TTN: variants seen among roughly 807,000 people sequenced by gnomAD.
TTN encodes the protein titin.
Under a neutral mutation model 3,223.0 loss-of-function variants are expected in TTN, and 1,525 were observed. That is an observed-to-expected ratio of 0.47 (90% CI 0.45 to 0.49). The LOEUF is 0.49. Among genes scored for constraint, TTN ranks in the 20% least tolerant of loss-of-function variants. The pLI is 0.00. For synonymous variants in TTN, 14,094 were observed against 15,161.0 expected (o/e 0.93, Z 5.17); for missense variants, 40,786 against 43,424.0 (o/e 0.94, Z 5.40).
intron 148 of TTN, 79 bp downstream of exon 148, chr2:178,675,842 A>T: frequency 6.5e-7 from 1 of 1,541,468 alleles, no homozygotes; most frequent in Non-Finnish European, 8.8e-7. Flanking sequence ...GTATTAACAA[A>T]TACGGAAACA....
rs2050156802 is a variant in TTN at position 178,591,377 on chromosome 2, C to G, written c.60348G>C (p.Gly20116=). 1.2e-6 allele frequency: 2 copies of G among 1,613,202 alleles called. No individual in the cohort carries two copies. Among genetic ancestry groups the G allele is most frequent in the Non-Finnish European group, 1.7e-6 (2 of 1,179,464 alleles). ...PVPTAKWTTD[G]SEIKTDEHYT... is the part of the protein sequence containing the mutation. ...AGTGCTCATCGGTTTTAATCTCACT[C>G]CCATCGGTTGTCCACTTTGCAGTAG... The change falls in exon 304 of 363, where the codon GGG becomes GGC. Residue 20116 remains glycine (G), a synonymous_variant. Coordinates refer to ENST00000589042, the MANE Select transcript of TTN (RefSeq NM_001267550.2).
In TTN at chr2:178,683,232, T is replaced by G; in HGVS notation, c.32866A>C (p.Arg10956=). The change falls in exon 134 of 363, where the codon AGA becomes CGA. Residue 10956 remains arginine, a synonymous_variant. Coordinates refer to ENST00000589042, the MANE Select transcript of TTN (RefSeq NM_001267550.2). ...ATACCTTTGATGGGTTGAGGTTCTCTTTTTGGAGCTTCAATTGATACTTTT... is the reference window on the plus strand; with the variant it reads ...ATACCTTTGATGGGTTGAGGTTCTCGTTTTGGAGCTTCAATTGATACTTTT... ...EEKVSIEAPK[R]EPQPIKEVTI... 1.3e-6 allele frequency: 2 copies of G among 1,552,334 alleles called. No individual in the cohort carries two copies. The highest frequency in any genetic ancestry group is 1.9e-5 in the Admixed American group (1 of 51,326).
Position 178,541,419 on chromosome 2 carries a change from G to A in TTN, c.97658C>T (p.Pro32553Leu), listed in dbSNP as rs765136667. ...ADRWVRVNKV[P>L]VTMTRYRSTG... Reference sequence around the variant, plus strand: ...GGAGCGGTACCGTGTCATTGTCACAGGTACTTTATTTACACGGACCCATCG... The same window carrying A: ...GGAGCGGTACCGTGTCATTGTCACAAGTACTTTATTTACACGGACCCATCG... Residue 32553 changes from proline (P) to leucine (L), a missense_variant, in exon 350 of 363, where the codon CCT becomes CTT. By Grantham distance (98) the Pro-to-Leu change is moderately conservative. Coordinates refer to ENST00000589042, the MANE Select transcript of TTN (RefSeq NM_001267550.2). The A allele has an allele frequency of 5.0e-6, 8 of 1,613,176 alleles. No individual in the cohort carries two copies. The African/African-American group carries it at 5.3e-5, about 11-fold the overall frequency.
In TTN at chr2:178,777,975, T is replaced by G. The variant is rs2092403053; in HGVS notation, c.4209A>C (p.Arg1403Ser). The change falls in exon 25 of 363, where the codon AGA becomes AGC. Residue 1403 changes from arginine to serine, a missense_variant and splice_region_variant. Transcript: ENST00000589042. ...TGCTCACTGAACGTGGAGAGAGAGA[T>G]CTGCAAAACAAAGACACACAATACT... ...IPTLEPVSRI[R>S]SLSPRSVSRS... The G allele has an allele frequency of 3.7e-6, 6 of 1,613,380 alleles. No homozygotes were observed. The highest frequency in any genetic ancestry group is 4.2e-6 in the Non-Finnish European group (5 of 1,179,712).
In TTN at chr2:178,748,620, C is replaced by T. The variant is rs751357928; in HGVS notation, c.11311+4504G>A. ...TAAGCTTCTTCTGGTTGACCACTAT[C>T]TAATTCTTGGAATTTCACATCTGTG... is the stretch of plus-strand genomic sequence containing the variant. On this transcript the variant is annotated intron_variant, in intron 47 of 362. Coordinates refer to ENST00000589042, the MANE Select transcript of TTN (RefSeq NM_001267550.2). The T allele has an allele frequency of 2.0e-5, 32 of 1,612,948 alleles. 1 individual carries two copies. The South Asian group carries it at 3.1e-4, about 16-fold the overall frequency.
Position 178,578,119 on chromosome 2 carries a change from C to A in TTN, c.68396G>T (p.Arg22799Met), listed in dbSNP as rs760928333. 10 of 1,613,246 alleles carry A rather than the reference C, an allele frequency of 6.2e-6. No individual in the cohort carries two copies. Among genetic ancestry groups the A allele is most frequent in the Non-Finnish European group, 8.5e-6 (10 of 1,179,446 alleles). Residue 22799 changes from arginine (R) to methionine (M), a missense_variant, in exon 322 of 363, where the codon AGG (arginine) becomes ATG (methionine). By Grantham distance (91) the Arg-to-Met change is moderately conservative. Coordinates refer to ENST00000589042, the MANE Select transcript of TTN (RefSeq NM_001267550.2). Reference protein sequence around the residue: ...LWKRANKTPIRMRDFKVTGLT... With the variant: ...LWKRANKTPIMMRDFKVTGLT... The stretch of plus-strand genomic sequence containing the variant: ...TCCTGTCACTTTAAAGTCTCTCATC[C>A]TTATCGGAGTCTTGTTAGCTCTCTT...
Position 178,549,357 on chromosome 2 carries a change from C to G in TTN, c.92269G>C (p.Glu30757Gln). 6.2e-7 allele frequency: 1 copy of G among 1,613,844 alleles called. No homozygotes were observed. Among genetic ancestry groups the G allele is most frequent in the Non-Finnish European group, 8.5e-7 (1 of 1,179,814 alleles). The change falls in exon 339 of 363, where the codon GAA (glutamate) becomes CAA (glutamine). Residue 30757 changes from glutamate (E) to glutamine (Q), a missense_variant. Physicochemically the swap from Glu to Gln is conservative, Grantham distance 29 (BLOSUM62 2). Transcript: ENST00000589042. ...CTTGTGCTTTTCTTTTCTCTTCTTT[C>G]AAGGATATACTGTTGAATTTCACTG... ...GGSEIQQYIL[E>Q]RREKKSTRWV... is the part of the protein sequence containing the mutation.
Position 178,572,398 on chromosome 2 carries a change from C to A in TTN, c.73734G>T (p.Trp24578Cys). 1 of 1,613,048 alleles carries A rather than the reference C, an allele frequency of 6.2e-7. No homozygotes were observed. The highest frequency in any genetic ancestry group is 8.5e-7 in the Non-Finnish European group (1 of 1,179,240). ...TVATNCHKTS[W>C]KVDQLQEGCS... ...AGCCTTCTTGAAGCTGGTCTACCTT[C>A]CAGGAAGTCTTGTGGCAGTTTGTTG... is the stretch of plus-strand genomic sequence containing the variant. The change falls in exon 326 of 363, where the codon TGG (tryptophan) becomes TGT (cysteine). Residue 24578 changes from tryptophan (W) to cysteine (C), a missense_variant. Physicochemically the swap from Trp to Cys is radical, Grantham distance 215 (BLOSUM62 -2). Transcript: ENST00000589042.
Position 178,635,735 on chromosome 2 carries a change from GA to G in TTN, c.41609-21del. The G allele has an allele frequency of 1.9e-6, 3 of 1,573,500 alleles. No individual in the cohort carries two copies. The highest frequency in any genetic ancestry group is 8.6e-7 in the Non-Finnish European group (1 of 1,163,934). On this transcript the variant is annotated intron_variant, in intron 226 of 362. Coordinates refer to ENST00000589042, the MANE Select transcript of TTN (RefSeq NM_001267550.2). Reference sequence around the variant, plus strand: ...TGACTTCTATATGAAAATAAGATCAGAAAAAATGATTAAGGTCTGAACAAGT... The same window carrying G: ...TGACTTCTATATGAAAATAAGATCAGAAAAATGATTAAGGTCTGAACAAGT...
In TTN at chr2:178,530,813, C is replaced by T. The variant is rs1010179080; in HGVS notation, c.105802G>A (p.Glu35268Lys). Residue 35268 changes from glutamate to lysine, a missense_variant, in exon 358 of 363, where the codon GAG becomes AAG. Glu to Lys is a moderately conservative substitution (Grantham distance 56). Coordinates refer to ENST00000589042, the MANE Select transcript of TTN (RefSeq NM_001267550.2). ...PSHPKAVSPTETKPTPTEKVQ... is the reference protein window; with the variant it reads ...PSHPKAVSPTKTKPTPTEKVQ... ...TTCTCTGTTGGTGTTGGTTTTGTCT[C>T]TGTGGGTGATACGGCTTTCGGGTGA... is the stretch of plus-strand genomic sequence containing the variant. 4 of 1,613,676 alleles carry T rather than the reference C, an allele frequency of 2.5e-6. No individual in the cohort carries two copies. The highest frequency in any genetic ancestry group is 2.7e-5 in the African/African-American group (2 of 74,850).
intron 268 of TTN, 30 bp downstream of exon 268, chr2:178,611,728 A>G: frequency 5.0e-6 from 8 of 1,611,548 alleles, no homozygotes; most frequent in Non-Finnish European, 6.8e-6. Context: ...AGTTCTAGAC[A>G]ATATCTTGTG....
intron 180 of TTN, among the ~76,000 whole-genome samples, chr2:178,660,939 G>C (rs1205732574): frequency 7.6e-6 from 1 of 131,184 alleles, no homozygotes; most frequent in Non-Finnish European, 1.6e-5. Flanking sequence ...CATCATCACT[G>C]GCCATCAGAG....
At chr2:178,556,365 A>G (rs1701446043) in intron 330 of TTN, 1 of 162,146 alleles carries the variant, frequency 6.2e-6, no homozygotes, top group Admixed American at 6.5e-5. Context: ...CAGGAGGCGG[A>G]AGTTGCAGTG....
At position 178,617,427 on chromosome 2, in the gene TTN, A is replaced by T. The variant is rs1451730427; in HGVS notation, c.47658T>A (p.Asp15886Glu). ...VQLKWEPPLK[D>E]GGSPILGYII... is the part of the protein sequence containing the mutation. ...TATAGCCTAATATTGGGCTTCCTCCATCTTTCAGAGGAGGTTCCCATTTGA... is the reference window on the plus strand; with the variant it reads ...TATAGCCTAATATTGGGCTTCCTCCTTCTTTCAGAGGAGGTTCCCATTTGA... The change falls in exon 254 of 363, where the codon GAT becomes GAA. Residue 15886 changes from aspartate to glutamate, a missense_variant. Transcript: ENST00000589042. 6.3e-7 allele frequency: 1 copy of T among 1,594,072 alleles called. No homozygotes were observed. The highest frequency in any genetic ancestry group is 8.5e-7 in the Non-Finnish European group (1 of 1,173,694).
chr2:178,694,742 AT>A, intron 116 of TTN, 66 bp from the exon 117 acceptor site: 1 of 1,492,310 alleles, frequency 6.7e-7, no homozygotes, highest in Non-Finnish European at 9.1e-7. Flanking sequence ...ATTTAAAAGT[AT>A]TTGATTATAT....
rs1038243734 is a variant in TTN at position 178,565,532 on chromosome 2, A to C, written c.80600T>G (p.Leu26867Trp). The change falls in exon 326 of 363, where the codon TTG becomes TGG. Residue 26867 changes from leucine to tryptophan, a missense_variant. Physicochemically the swap from Leu to Trp is moderately conservative, Grantham distance 61. Coordinates refer to ENST00000589042, the MANE Select transcript of TTN (RefSeq NM_001267550.2). ...NEKGKSDPRV[L>W]GVPVIAKDLT... ...GTCCTTGGCTATGACAGGAACACCCAACACTCTTGGATCGCTTTTTCCTTT... is the reference window on the plus strand; with the variant it reads ...GTCCTTGGCTATGACAGGAACACCCCACACTCTTGGATCGCTTTTTCCTTT... The C allele has an allele frequency of 6.2e-7, 1 of 1,613,592 alleles. No individual in the cohort carries two copies. Among genetic ancestry groups the C allele is most frequent in the Non-Finnish European group, 8.5e-7 (1 of 1,179,628 alleles).
chr2:178,684,882 A>G, intron 130 of TTN, 24 bp downstream of exon 130: 1 of 1,575,604 alleles, frequency 6.3e-7, no homozygotes, highest in Non-Finnish European at 8.6e-7. Flanking sequence ...GACAGTCTTG[A>G]GAATAAAATA....
intron 111 of TTN, among the ~76,000 whole-genome samples, chr2:178,699,341 A>ATACT (rs1226274554): frequency 1.4e-5 from 2 of 140,202 alleles, no homozygotes; most frequent in Non-Finnish European, 3.0e-5. Flanking sequence ...GTTCCTAATC[A>ATACT]TACTTGATTA....
At chr2:178,596,451 T>A (rs1389356649) in intron 294 of TTN, among the ~76,000 whole-genome samples, 1 of 151,704 alleles carries the variant, frequency 6.6e-6, no homozygotes, top group Non-Finnish European at 1.5e-5. Flanking sequence ...TGGGTAAGAG[T>A]GGCATAGTCA....
Sources: allele counts gnomAD v4.1 joint callset (sites outside exome capture counted in the v4.1 genomes callset), GRCh38; gene constraint gnomAD v4.1.1; transcripts MANE v1.5; gene names NCBI Gene and HGNC (gene_info 2026-07-23, HGNC 2026-07-21).